MYH14: variants seen among roughly 807,000 people sequenced by gnomAD.
MYH14 encodes the protein myosin heavy chain 14, also known as myosin-14.
MYH14 carries 123 observed loss-of-function variants against 255.5 expected under a neutral mutation model. The observed-to-expected ratio is 0.48, with a 90% CI of 0.42 to 0.56. The LOEUF (loss-of-function observed/expected upper bound fraction) is 0.56. MYH14 is among the 20% of genes least tolerant of loss of function. MYH14 has a pLI of 0.00. For synonymous variants in MYH14, 1,095 were observed against 1,161.2 expected, an observed-to-expected ratio of 0.94 and a Z score of 1.16; for missense variants, 2,423 against 2,802.3, an observed-to-expected ratio of 0.86 and a Z score of 3.06.
Position 50,250,590 on chromosome 19 carries a change from G to C in MYH14, c.1732G>C (p.Glu578Gln). Residue 578 changes from glutamate to glutamine, a missense_variant, in exon 15 of 43, where the codon GAG (glutamate) becomes CAG (glutamine). By Grantham distance (29) the Glu-to-Gln change is conservative (BLOSUM62 2). Coordinates refer to ENST00000642316, the MANE Select transcript of MYH14 (RefSeq NM_001145809.2). The surrounding 1 kb of genome is among the most constrained non-coding windows in gnomAD (Gnocchi z 5.4). Reference sequence around the variant, plus strand: ...GAAGGCCACAGACAAGTCGTTTGTGGAGAAGGTAGCCCAGGAGCAGGGCGG... The same window carrying C: ...GAAGGCCACAGACAAGTCGTTTGTGCAGAAGGTAGCCCAGGAGCAGGGCGG... The part of the protein sequence containing the change: ...FPKATDKSFV[E>Q]KVAQEQGGHP... 6.2e-7 allele frequency: 1 copy of C among 1,614,066 alleles called. No homozygotes were observed. The highest frequency in any genetic ancestry group is 8.5e-7 in the Non-Finnish European group (1 of 1,179,960).
chr19:50,216,460 C>G (rs1039236699), intron 2 of MYH14, among the ~76,000 whole-genome samples: 2 of 152,014 alleles, frequency 1.3e-5, no homozygotes, highest in Admixed American at 1.3e-4. Context: ...AAAAATTAGC[C>G]TAGTGGATTG....
intron 12 of MYH14, among the ~76,000 whole-genome samples, chr19:50,247,965 C>CTCG (rs942764105): frequency 1.1e-4 from 17 of 150,406 alleles, no homozygotes; most frequent in African/African-American, 3.7e-4. Flanking sequence ...GAGGCTGAGA[C>CTCG]ACGAGGATCA....
intron 2 of MYH14, among the ~76,000 whole-genome samples, 183 bp downstream of exon 2, chr19:50,210,953 C>T (rs1568462344): frequency 6.6e-6 from 1 of 152,202 alleles, no homozygotes; most frequent in Non-Finnish European, 1.5e-5. Flanking sequence ...AGGACAGCCT[C>T]GGAACCTACT....
At chr19:50,274,750 G>A (rs1398383174) in intron 27 of MYH14, among the ~76,000 whole-genome samples, 1 of 152,118 alleles carries the variant, frequency 6.6e-6, no homozygotes, top group Non-Finnish European at 1.5e-5. Flanking sequence ...GCAATATAAT[G>A]AGACCCTGTC....
chr19:50,237,574 C>A (rs112268808), intron 10 of MYH14, among the ~76,000 whole-genome samples: 2 of 152,238 alleles, frequency 1.3e-5, no homozygotes, highest in Middle Eastern at 3.4e-3. Context: ...GTGATCCACC[C>A]GCCTCCGCCT....
rs930063808 is a variant in MYH14, at chr19:50,225,196, T to C, written c.718-389T>C. ...TTGGAGTGCCTTACACTGTTGACAG[T>C]TTGGTGTGCATCCTTGCAGACCTTT... On this transcript the variant is annotated intron_variant, in intron 6 of 42. Transcript: ENST00000642316. Among the ~76,000 whole-genome samples the C allele has an allele frequency of 1.3e-4, 20 of 152,322 alleles. No individual in the cohort carries two copies. In the East Asian group the frequency reaches 3.5e-3, roughly 26 times the overall value.
At chr19:50,272,842 C>T in intron 27 of MYH14, 111 bp downstream of exon 27, 1 of 1,063,100 alleles carries the variant, frequency 9.4e-7, no homozygotes, top group Admixed American at 2.2e-5. Context: ...AGCCACTCAC[C>T]AGCCACAGAC....
At chr19:50,294,177 C>T (rs979988963) in intron 39 of MYH14, among the ~76,000 whole-genome samples, 3 of 152,130 alleles carry the variant, frequency 2.0e-5, no homozygotes, top group Middle Eastern at 3.4e-3. Context: ...CCCTCAAACA[C>T]GTCTTAGTCT....
chr19:50,268,402 CA>C, intron 24 of MYH14, 35 bp downstream of exon 24: 1 of 1,543,928 alleles, frequency 6.5e-7, no homozygotes, highest in Non-Finnish European at 8.7e-7. Flanking sequence ...GGCCACCCTC[CA>C]GACCCCTCTG....
intron 10 of MYH14, among the ~76,000 whole-genome samples, chr19:50,237,045 G>A (rs1006913054): frequency 3.3e-5 from 5 of 152,152 alleles, no homozygotes; most frequent in Admixed American, 6.6e-5. Flanking sequence ...AAATCATGCC[G>A]TATATGATCC....
chr19:50,252,589 G>A lies in MYH14; in HGVS notation c.1831-50G>A. On this transcript the variant is annotated intron_variant, in intron 15 of 42. Coordinates refer to ENST00000642316, the MANE Select transcript of MYH14 (RefSeq NM_001145809.2). The surrounding 1 kb of genome is among the most constrained non-coding windows in gnomAD (Gnocchi z 4.2). Reference sequence around the variant, plus strand: ...TGGAAGGCTCCTTAGGAAATCCAGAGAATGTCTGAGCCTGCAAGTCATCGC... The same window carrying A: ...TGGAAGGCTCCTTAGGAAATCCAGAAAATGTCTGAGCCTGCAAGTCATCGC... The A allele has an allele frequency of 7.7e-7, 1 of 1,293,156 alleles. No individual in the cohort carries two copies. The highest frequency in any genetic ancestry group is 1.5e-5 in the African/African-American group (1 of 68,080). The allele number at this position is 1,293,156 out of a possible 1,614,324, so 80.1% of individuals were successfully genotyped here. A position where few individuals can be genotyped will look rare whatever the true frequency, so the allele number is the denominator to read the frequency against.
chr19:50,277,582 T>TG (rs2123410563), intron 29 of MYH14, among the ~76,000 whole-genome samples: 1 of 152,112 alleles, frequency 6.6e-6, no homozygotes, highest in East Asian at 1.9e-4. Flanking sequence ...CACTCCAGCC[T>TG]GGGTGACAGA....
intron 11 of MYH14, among the ~76,000 whole-genome samples, chr19:50,246,110 T>TCC (rs1424151079): frequency 2.3e-4 from 14 of 59,860 alleles, no homozygotes; most frequent in Non-Finnish European, 4.7e-4. Flanking sequence ...CTCCCTTCCT[T>TCC]TCTTCCTTCC....
chr19:50,255,249 C>T lies in MYH14; in HGVS notation c.1975C>T (p.Leu659Phe), dbSNP rs2034549768. 1 of 1,551,398 alleles carries T rather than the reference C, an allele frequency of 6.4e-7. No homozygotes were observed. Among genetic ancestry groups the T allele is most frequent in the South Asian group, 1.2e-5 (1 of 84,046 alleles). Residue 659 changes from leucine (L) to phenylalanine (F), a missense_variant, in exon 17 of 43, where the codon CTT becomes TTT. Leu to Phe is a conservative substitution (Grantham distance 22, BLOSUM62 0). Around this residue, in one of 3 missense-constraint regions of MYH14, gnomAD observed 672 missense variants for 881.8 expected, o/e 0.76. Coordinates refer to ENST00000642316, the MANE Select transcript of MYH14 (RefSeq NM_001145809.2). ...EHGGFQQFSF[L>F]GSFPPSPPGS... ...TGGGGGCTTCCAGCAGTTCTCTTTC[C>T]TTGGCTCCTTCCCACCGTCGCCCCC... is the stretch of plus-strand genomic sequence containing the variant.
intron 3 of MYH14, among the ~76,000 whole-genome samples, chr19:50,222,873 G>T (rs2032905794): frequency 6.6e-6 from 1 of 152,220 alleles, no homozygotes; most frequent in Non-Finnish European, 1.5e-5. Context: ...CCAAGGCTCA[G>T]AGAGGGACAG....
rs1433456065 is a variant in MYH14, at chr19:50,255,338, G to A, written c.2044+20G>A. On this transcript the variant is annotated intron_variant, in intron 17 of 42. Coordinates refer to ENST00000642316, the MANE Select transcript of MYH14 (RefSeq NM_001145809.2). The stretch of plus-strand genomic sequence containing the variant: ...CAGGGGGTGGGTGTCTCTGTGCATC[G>A]ATGGGTGAGGCTTGCTGGAGGAGGA... The A allele has an allele frequency of 2.7e-5, 42 of 1,532,912 alleles. No homozygotes were observed. The highest frequency in any genetic ancestry group is 3.4e-5 in the Non-Finnish European group (38 of 1,131,472). The allele number at this position is 1,532,912 out of a possible 1,614,324, so 95.0% of individuals were successfully genotyped here. A position where few individuals can be genotyped will look rare whatever the true frequency, so the allele number is the denominator to read the frequency against.
At chr19:50,213,048 G>A (rs2032281635) in intron 2 of MYH14, among the ~76,000 whole-genome samples, 1 of 152,146 alleles carries the variant, frequency 6.6e-6, no homozygotes, top group Non-Finnish European at 1.5e-5. Flanking sequence ...CACCTCCTGG[G>A]ATCAAGCAAC....
intron 12 of MYH14, 64 bp downstream of exon 12, chr19:50,247,186 A>G (rs2034165242): frequency 8.7e-7 from 1 of 1,150,618 alleles, no homozygotes; most frequent in Admixed American, 1.9e-5. Flanking sequence ...GGGTCTTTAA[A>G]CAGTGTATGC....
chr19:50,309,273 G>T, intron 42 of MYH14, 96 bp downstream of exon 42: 1 of 1,249,496 alleles, frequency 8.0e-7, no homozygotes, highest in Non-Finnish European at 1.2e-6. Context: ...ACAACAGGGG[G>T]AAATGGGATC....
Sources: gnomAD v4.1 joint callset for allele counts (sites outside exome capture counted in the v4.1 genomes callset) on GRCh38, gnomAD v4.1.1 for gene constraint, gnomAD v4.1.1 regional missense constraint, Gnocchi (gnomAD v3.1) non-coding constraint, MANE v1.5 for transcripts, NCBI Gene and HGNC (gene_info 2026-07-23, HGNC 2026-07-21) for gene names.